The following ELMO1 variants were observed in gnomAD, a reference collection of about 807,000 sequenced individuals.
ELMO1 encodes the protein engulfment and cell motility protein 1.
A neutral mutation model predicts 98.9 loss-of-function variants in ELMO1; 26 were observed. The ratio of observed to expected loss-of-function variants is 0.26; its 90% CI spans 0.19 to 0.36. The LOEUF (loss-of-function observed/expected upper bound fraction) is 0.36, where lower values mean the gene tolerates loss of function less well. ELMO1 is among the 10% of genes least tolerant of loss of function. The pLI, the probability that ELMO1 is intolerant of heterozygous loss-of-function variation, is 1.00. For synonymous variants in ELMO1, 346 were observed against 346.0 expected (o/e 1.00, Z 0.00); for missense variants, 627 against 935.2 (o/e 0.67, Z 4.30).
intron 5 of ELMO1, among the ~76,000 whole-genome samples, chr7:37,261,643 C>T (rs1262327889): frequency 1.3e-5 from 2 of 152,024 alleles, no homozygotes; most frequent in Non-Finnish European, 2.9e-5. Context: ...TGCTCTGTCA[C>T]CCAGGCTGGA....
At chr7:37,430,456 T>C (rs1483178555) in intron 1 of ELMO1, among the ~76,000 whole-genome samples, 2 of 152,214 alleles carry the variant, frequency 1.3e-5, no homozygotes, top group Non-Finnish European at 2.9e-5. Context: ...AGTATAAAAA[T>C]GGTCGCTTCT....
At chr7:37,076,154 T>C (rs543397921) in intron 15 of ELMO1, among the ~76,000 whole-genome samples, 1 of 152,338 alleles carries the variant, frequency 6.6e-6, no homozygotes, top group East Asian at 1.9e-4. Context: ...CAAAATTCAC[T>C]AAAGTCATTT....
chr7:37,037,792 G>C (rs1795278528), intron 15 of ELMO1, among the ~76,000 whole-genome samples: 1 of 152,166 alleles, frequency 6.6e-6, no homozygotes, highest in African/African-American at 2.4e-5. Flanking sequence ...CTGAATGAAT[G>C]ATACTGAGAT....
chr7:36,956,867 G>A (rs74587751), intron 16 of ELMO1, among the ~76,000 whole-genome samples: 4,064 of 152,296 alleles, frequency 0.027, 173 homozygotes, highest in African/African-American at 0.092. Flanking sequence ...CATGAGCCAA[G>A]GAAAGCACGT....
rs888288291 is a variant in ELMO1, at chr7:37,121,527, G to A, written c.1191+11603C>T. Among the ~76,000 whole-genome samples the A allele has an allele frequency of 2.4e-4, 36 of 152,186 alleles. 1 individual carries two copies. The highest frequency in any genetic ancestry group is 6.0e-4 in the African/African-American group (25 of 41,434). The stretch of plus-strand genomic sequence containing the variant: ...ATCAGCTGGAAGAAAGGGTATCAGC[G>A]ATGGAAGATCAAATGAATGAAATGA... On this transcript the variant is annotated intron_variant, in intron 14 of 21. Coordinates refer to ENST00000310758, the MANE Select transcript of ELMO1 (RefSeq NM_014800.11).
At chr7:37,055,297 C>T (rs781202444) in intron 15 of ELMO1, among the ~76,000 whole-genome samples, 12 of 152,186 alleles carry the variant, frequency 7.9e-5, no homozygotes, top group Non-Finnish European at 1.5e-5. Context: ...TGGGTGAATG[C>T]CATCTCTAAC....
intron 13 of ELMO1, among the ~76,000 whole-genome samples, chr7:37,159,052 G>C (rs1311088758): frequency 6.6e-6 from 1 of 152,160 alleles, no homozygotes; most frequent in African/African-American, 2.4e-5. Flanking sequence ...ATTATCACAA[G>C]GACAGAAAAC....
intron 1 of ELMO1, among the ~76,000 whole-genome samples, chr7:37,362,406 G>C (rs908320330): frequency 1.3e-5 from 2 of 152,136 alleles, no homozygotes; most frequent in Non-Finnish European, 1.5e-5. Context: ...TCTGGCATGG[G>C]TAAGCCTGTG....
intron 16 of ELMO1, among the ~76,000 whole-genome samples, chr7:36,989,563 G>A (rs1250677803): frequency 1.3e-5 from 2 of 152,208 alleles, no homozygotes; most frequent in Non-Finnish European, 2.9e-5. Context: ...AATGGAAAAA[G>A]GCAGTTTTTG....
At chr7:37,256,321 T>C (rs1282933676) in intron 6 of ELMO1, among the ~76,000 whole-genome samples, 1 of 152,210 alleles carries the variant, frequency 6.6e-6, no homozygotes, top group East Asian at 1.9e-4. Context: ...CAGGCCTGTT[T>C]GTCGGTCTTC....
intron 1 of ELMO1, among the ~76,000 whole-genome samples, chr7:37,432,746 G>A (rs1409527883): frequency 1.3e-5 from 2 of 152,246 alleles, no homozygotes; most frequent in Non-Finnish European, 1.5e-5. Flanking sequence ...GCACTGGGGA[G>A]GGAGGGAGGA....
At chr7:37,280,733 A>G (rs949857311) in intron 4 of ELMO1, among the ~76,000 whole-genome samples, 3 of 152,130 alleles carry the variant, frequency 2.0e-5, no homozygotes, top group Non-Finnish European at 4.4e-5. Context: ...TAAACAGAGA[A>G]CACTTCTACA....
chr7:37,392,528 T>C (rs1803125473), intron 1 of ELMO1, among the ~76,000 whole-genome samples: 1 of 152,066 alleles, frequency 6.6e-6, no homozygotes, highest in African/African-American at 2.4e-5. Flanking sequence ...TCTGAGCAAA[T>C]TGGCGCTGCT....
intron 16 of ELMO1, among the ~76,000 whole-genome samples, chr7:36,909,567 T>TA (rs1395184031): frequency 6.6e-6 from 1 of 152,334 alleles, no homozygotes; most frequent in East Asian, 1.9e-4. Context: ...TCATTTAAAT[T>TA]AATTGGTTCT....
chr7:37,249,598 AG>A (rs1795226402), intron 6 of ELMO1, among the ~76,000 whole-genome samples: 2 of 152,334 alleles, frequency 1.3e-5, no homozygotes, highest in African/African-American at 4.8e-5. Flanking sequence ...GTATTGACCA[AG>A]GTATTGGAAA....
intron 14 of ELMO1, among the ~76,000 whole-genome samples, chr7:37,102,928 TG>T (rs1339405491): frequency 6.6e-6 from 1 of 152,238 alleles, no homozygotes; most frequent in Admixed American, 6.5e-5. Context: ...ATCAGCACTG[TG>T]GCTCTGGACA....
chr7:37,161,289 G>C (rs905858439), intron 13 of ELMO1, among the ~76,000 whole-genome samples: 3 of 152,062 alleles, frequency 2.0e-5, no homozygotes, highest in Admixed American at 2.0e-4. Context: ...GTGAAGTCTG[G>C]CTTTCTCACT....
chr7:37,360,268 A>G (rs1332979980), intron 1 of ELMO1, among the ~76,000 whole-genome samples: 1 of 152,222 alleles, frequency 6.6e-6, no homozygotes, highest in Non-Finnish European at 1.5e-5. Flanking sequence ...CAAGTACTCA[A>G]AACTGAAAGA....
chr7:36,931,525 C>T (rs11543632), intron 16 of ELMO1, among the ~76,000 whole-genome samples: 12,223 of 152,158 alleles, frequency 0.08, 979 homozygotes, highest in East Asian at 0.25. Flanking sequence ...CTCTTGAACC[C>T]GGGAGGCGGA....
Sources: allele counts gnomAD v4.1 joint callset (sites outside exome capture counted in the v4.1 genomes callset), GRCh38; gene constraint gnomAD v4.1.1; transcripts MANE v1.5; gene names NCBI Gene and HGNC (gene_info 2026-07-23, HGNC 2026-07-21).